Variants in DOCK2 observed in about 807,000 individuals in gnomAD.
DOCK2 encodes the protein dedicator of cytokinesis 2.
DOCK2 carries 87 observed loss-of-function variants against 248.9 expected under a neutral mutation model. That is an observed-to-expected ratio of 0.35 (90% CI 0.29 to 0.42). DOCK2 has a LOEUF of 0.42. Among genes scored for constraint, DOCK2 ranks in the 10% least tolerant of loss-of-function variants. The pLI, the probability that DOCK2 is intolerant of heterozygous loss-of-function variation, is 1.00. For synonymous variants in DOCK2, 805 were observed against 821.6 expected, an observed-to-expected ratio of 0.98 and a Z score of 0.35; for missense variants, 1,747 against 2,300.2, an observed-to-expected ratio of 0.76 and a Z score of 4.92.
chr5:170,041,092 G>C lies in DOCK2; in HGVS notation c.3703G>C (p.Asp1235His). 6.2e-7 allele frequency: 1 copy of C among 1,614,138 alleles called. No individual in the cohort carries two copies. Among genetic ancestry groups the C allele is most frequent in the South Asian group, 1.1e-5 (1 of 91,082 alleles). Residue 1235 changes from aspartate (D) to histidine (H), a missense_variant, in exon 37 of 52, where the codon GAC (aspartate) becomes CAC (histidine). Transcript: ENST00000520908. Reference protein sequence around the residue: ...YKLRDLHLDCDNYTEAAYTLL... With the variant: ...YKLRDLHLDCHNYTEAAYTLL... ...ACTCCGCGATCTTCACCTGGACTGTGACAATTACACAGAGGCTGCCTACAC... is the reference window on the plus strand; with the variant it reads ...ACTCCGCGATCTTCACCTGGACTGTCACAATTACACAGAGGCTGCCTACAC...
chr5:169,775,779 G>A (rs1437420938), intron 25 of DOCK2, among the ~76,000 whole-genome samples: 1 of 152,054 alleles, frequency 6.6e-6, no homozygotes, highest in African/African-American at 2.4e-5. Context: ...TGAAAGGCCA[G>A]TGTATGTGAC....
At chr5:169,713,098 T>C (rs1392535527) in intron 17 of DOCK2, among the ~76,000 whole-genome samples, 1 of 152,242 alleles carries the variant, frequency 6.6e-6, no homozygotes, top group Non-Finnish European at 1.5e-5. Flanking sequence ...TACTCTTCTC[T>C]GAGTCTCTCT....
intron 14 of DOCK2, among the ~76,000 whole-genome samples, chr5:169,704,829 C>T (rs1417163067): frequency 1.3e-5 from 2 of 149,422 alleles, no homozygotes; most frequent in Admixed American, 1.3e-4. Flanking sequence ...ACACTATGTG[C>T]CCACAAAAAT....
intron 21 of DOCK2, 126 bp downstream of exon 21, chr5:169,717,610 A>G: frequency 3.6e-6 from 3 of 843,358 alleles, no homozygotes; most frequent in Non-Finnish European, 5.9e-6. Context: ...ATTCTCTAAC[A>G]AAATCTAACC....
chr5:169,700,154 C>G lies in DOCK2; in HGVS notation c.1258+15C>G. ...CATCATGCCAGGTGAGACACAGCTG[C>G]TCTGACCTTCCCCTGGGGACATAGG... On this transcript the variant is annotated intron_variant, in intron 13 of 51. Coordinates refer to ENST00000520908, the MANE Select transcript of DOCK2 (RefSeq NM_004946.3). 1.2e-6 allele frequency: 2 copies of G among 1,612,274 alleles called. No individual in the cohort carries two copies. Among genetic ancestry groups the G allele is most frequent in the South Asian group, 2.2e-5 (2 of 90,900 alleles).
At chr5:169,911,843 G>C (rs1247796233) in intron 27 of DOCK2, among the ~76,000 whole-genome samples, 2 of 152,182 alleles carry the variant, frequency 1.3e-5, no homozygotes, top group African/African-American at 2.4e-5. Context: ...GAAAATAAAG[G>C]GAGGGAAGTG....
At chr5:169,874,951 CGCCCTT>C (rs1442917063) in intron 27 of DOCK2, among the ~76,000 whole-genome samples, 4 of 152,182 alleles carry the variant, frequency 2.6e-5, no homozygotes, top group African/African-American at 9.6e-5. Context: ...TTCCTTCCCT[CGCCCTT>C]GCCTCCATTC....
At chr5:170,077,667 TC>T in intron 47 of DOCK2, 42 bp from the exon 48 acceptor site, 1 of 1,608,278 alleles carries the variant, frequency 6.2e-7, no homozygotes, top group East Asian at 2.2e-5. Flanking sequence ...GGGGCCACCT[TC>T]CCCAGGCTAC....
intron 27 of DOCK2, 113 bp downstream of exon 27, chr5:169,840,965 T>G: frequency 8.4e-7 from 1 of 1,190,690 alleles, no homozygotes; most frequent in Non-Finnish European, 1.2e-6. Context: ...TGCTTTGTTT[T>G]GGAGTAGGGT....
At chr5:169,726,594 T>C (rs1312620015) in intron 22 of DOCK2, among the ~76,000 whole-genome samples, 1 of 152,272 alleles carries the variant, frequency 6.6e-6, no homozygotes, top group East Asian at 1.9e-4. Context: ...AACTTTTAAA[T>C]AGTTCTCTGT....
In DOCK2 at chr5:170,040,652, T is replaced by A. The variant is rs189226978; in HGVS notation, c.3666-403T>A. The A allele has an allele frequency of 5.5e-4, 115 of 207,830 alleles. 9 individuals carry two copies. Among genetic ancestry groups the A allele is most frequent in the African/African-American group, 2.2e-3 (108 of 48,962 alleles). The allele number at this position is 207,830 out of a possible 1,614,324, so 12.9% of individuals were successfully genotyped here. ...CTGTTTATTAGCACAGAACTCCTGA[T>A]AAATTGTCTCTCTCTCCTTCCTTTA... is the stretch of plus-strand genomic sequence containing the variant. On this transcript the variant is annotated intron_variant, in intron 36 of 51. Coordinates refer to ENST00000520908, the MANE Select transcript of DOCK2 (RefSeq NM_004946.3).
intron 9 of DOCK2, among the ~76,000 whole-genome samples, chr5:169,693,639 G>C (rs1274758366): frequency 6.6e-6 from 1 of 152,100 alleles, no homozygotes; most frequent in African/African-American, 2.4e-5. Flanking sequence ...GCAGAAGAAG[G>C]CAAGGGATGC....
chr5:169,818,042 A>G (rs939066246), intron 26 of DOCK2, among the ~76,000 whole-genome samples: 2 of 152,314 alleles, frequency 1.3e-5, no homozygotes. Context: ...TTGTTTATAC[A>G]TCAGTTTAGA....
rs3828624 is a variant in DOCK2 at position 170,069,549 on chromosome 5, C to T, written c.4728+329C>T. On this transcript the variant is annotated intron_variant, in intron 46 of 51. Transcript: ENST00000520908. ...AAACACCAGGCCCCCACACTCCAAACCAGCACCTTCCCCCGACACCCAGCA... is the reference window on the plus strand; with the variant it reads ...AAACACCAGGCCCCCACACTCCAAATCAGCACCTTCCCCCGACACCCAGCA... Among the ~76,000 whole-genome samples the T allele has an allele frequency of 7.1e-3, 1,078 of 152,284 alleles. 35 individuals carry two copies. Among genetic ancestry groups the T allele is most frequent in the Admixed American group, 0.054 (828 of 15,304 alleles).
chr5:169,680,105 C>G (rs1439916120), intron 6 of DOCK2, among the ~76,000 whole-genome samples: 1 of 152,182 alleles, frequency 6.6e-6, no homozygotes, highest in Non-Finnish European at 1.5e-5. Flanking sequence ...TAAGCTCCTC[C>G]TATCTATTAT....
At chr5:169,988,673 C>T (rs939146244) in intron 29 of DOCK2, among the ~76,000 whole-genome samples, 1 of 152,088 alleles carries the variant, frequency 6.6e-6, no homozygotes, top group African/African-American at 2.4e-5. Context: ...CCACTATGCT[C>T]AGCTAATTTT....
chr5:169,819,987 T>TCGGAGGG (rs1768322162), intron 26 of DOCK2, among the ~76,000 whole-genome samples: 6 of 152,204 alleles, frequency 3.9e-5, no homozygotes, highest in Non-Finnish European at 8.8e-5. Context: ...CGTGCCTGGC[T>TCGGAGGG]TGGAGGGTCC....
intron 22 of DOCK2, among the ~76,000 whole-genome samples, chr5:169,719,390 G>A (rs1231865411): frequency 6.6e-6 from 1 of 152,252 alleles, no homozygotes; most frequent in Non-Finnish European, 1.5e-5. Context: ...ATAGGGCAAA[G>A]TTAGGTAGAG....
At chr5:169,808,142 C>A (rs962637316) in intron 26 of DOCK2, among the ~76,000 whole-genome samples, 5 of 152,112 alleles carry the variant, frequency 3.3e-5, no homozygotes, top group Non-Finnish European at 7.3e-5. Flanking sequence ...AAGAGCATAG[C>A]CATTTTTACT....
Sources: gnomAD v4.1 joint callset for allele counts (sites outside exome capture counted in the v4.1 genomes callset) on GRCh38, gnomAD v4.1.1 for gene constraint, MANE v1.5 for transcripts, NCBI Gene and HGNC (gene_info 2026-07-23, HGNC 2026-07-21) for gene names.